The following DPP6 variants were observed in gnomAD, a reference collection of about 807,000 sequenced individuals.
The protein encoded by DPP6 is A-type potassium channel modulatory protein DPP6.
In DPP6, 69 loss-of-function variants were observed where a neutral mutation model predicts 122.6. The ratio of observed to expected loss-of-function variants is 0.56; its 90% CI spans 0.46 to 0.69. DPP6 has a LOEUF of 0.69. DPP6 is among the 30% of genes least tolerant of loss of function. The pLI, the probability that DPP6 is intolerant of heterozygous loss-of-function variation, is 0.00. For synonymous variants in DPP6, 418 were observed against 433.1 expected (o/e 0.97, Z 0.43); for missense variants, 928 against 1,116.9 (o/e 0.83, Z 2.41).
At chr7:154,161,439 G>T (rs558858946) in intron 1 of DPP6, among the ~76,000 whole-genome samples, 6 of 152,092 alleles carry the variant, frequency 3.9e-5, no homozygotes, top group Non-Finnish European at 8.8e-5. Flanking sequence ...AGAGGTTGCA[G>T]TGAGCCGAGA....
At chr7:154,275,004 T>C (rs1804035520) in intron 1 of DPP6, among the ~76,000 whole-genome samples, 1 of 152,276 alleles carries the variant, frequency 6.6e-6, no homozygotes, top group African/African-American at 2.4e-5. Context: ...CCCATGCCTC[T>C]GGACCCTCAG....
At chr7:154,413,462 T>C (rs1283777138) in intron 1 of DPP6, among the ~76,000 whole-genome samples, 1 of 152,010 alleles carries the variant, frequency 6.6e-6, no homozygotes. Context: ...ATGGTAATTT[T>C]TGTTCCATTT....
At chr7:154,262,654 T>C (rs1328433669) in intron 1 of DPP6, among the ~76,000 whole-genome samples, 5 of 79,796 alleles carry the variant, frequency 6.3e-5, no homozygotes, top group African/African-American at 9.8e-5. Flanking sequence ...CAAATGAAGT[T>C]CAAAAAAAAA....
intron 6 of DPP6, among the ~76,000 whole-genome samples, chr7:154,669,054 G>C (rs3807217): frequency 0.19 from 28,410 of 152,166 alleles, 3,294 homozygotes; most frequent in Non-Finnish European, 0.26. Flanking sequence ...TTTTAACTTT[G>C]ACTGTTCTGG....
chr7:154,714,543 G>A (rs2131316285), intron 7 of DPP6, among the ~76,000 whole-genome samples: 1 of 152,280 alleles, frequency 6.6e-6, no homozygotes, highest in African/African-American at 2.4e-5. Flanking sequence ...TGAGTGCCCA[G>A]CAAAGGGAAA....
At chr7:153,782,966 G>A in the DPP6 span, among the ~76,000 whole-genome samples, 1 of 152,158 alleles carries the variant, frequency 6.6e-6, no homozygotes, top group Non-Finnish European at 1.5e-5. Context: ...TCTGCTGCCT[G>A]GCTCTGAGGT....
chr7:154,473,024 T>G (rs1022138254), intron 2 of DPP6, among the ~76,000 whole-genome samples: 5 of 152,306 alleles, frequency 3.3e-5, no homozygotes, highest in Admixed American at 3.3e-4. Context: ...GTCTTACATG[T>G]TTTTTCTTAT....
intron 7 of DPP6, among the ~76,000 whole-genome samples, chr7:154,722,128 G>A (rs1841848789): frequency 6.6e-6 from 1 of 152,178 alleles, no homozygotes. Flanking sequence ...CCAGGAGGTT[G>A]AGGCTGCAGT....
In DPP6 at chr7:153,906,913, G is replaced by A. The variant is rs538685525; in HGVS notation, c.51+19179G>A. On this transcript the variant is annotated intron_variant, in intron 1 of 25. Coordinates refer to the DPP6 transcript ENST00000404039. ...AAAATCCAGTCATCCATTAATAGAC[G>A]CTTAGATTGCTTCTGTGACTTTGCT... 1.1e-4 allele frequency among the ~76,000 whole-genome samples: 16 copies of A among 152,256 alleles called. No individual in the cohort carries two copies. In the South Asian group the frequency reaches 3.1e-3, roughly 30 times the overall value.
chr7:153,852,216 G>C, the DPP6 span, among the ~76,000 whole-genome samples: 3 of 152,078 alleles, frequency 2.0e-5, no homozygotes, highest in Non-Finnish European at 4.4e-5. Flanking sequence ...TCTCTCTTCC[G>C]GCAATCATGC....
At chr7:154,737,303 CCA>C (rs1252006661) in intron 8 of DPP6, among the ~76,000 whole-genome samples, 9 of 152,264 alleles carry the variant, frequency 5.9e-5, no homozygotes, top group African/African-American at 2.2e-4. Context: ...CAATCAGATA[CCA>C]GAGTCTGAGG....
intron 16 of DPP6, among the ~76,000 whole-genome samples, chr7:154,839,236 C>G (rs1484376112): frequency 1.3e-5 from 2 of 152,194 alleles, no homozygotes; most frequent in Non-Finnish European, 2.9e-5. Flanking sequence ...GGTATCATTC[C>G]CATTTCACAT....
chr7:154,269,369 T>G (rs929392349), intron 1 of DPP6, among the ~76,000 whole-genome samples: 5 of 152,140 alleles, frequency 3.3e-5, no homozygotes, highest in African/African-American at 1.2e-4. Context: ...CTTGCAATAG[T>G]TGAATAAAGT....
Position 154,889,498 on chromosome 7 carries a change from CTAAT to C in DPP6, c.2422_2425del (p.Ile808GlyfsTer46). ...GCACACAGCAGAACTCATTACACAACTAATTAGGGGAAAGGCTAATTACAGCTTA... is the reference window on the plus strand; with the variant it reads ...GCACACAGCAGAACTCATTACACAACTAGGGGAAAGGCTAATTACAGCTTA... On this transcript the variant is annotated frameshift_variant, in exon 25 of 26. Transcript: ENST00000377770. LOFTEE classifies it high-confidence loss of function. 2 of 1,600,114 alleles carry C rather than the reference CTAAT, an allele frequency of 1.2e-6. No homozygotes were observed. The highest frequency in any genetic ancestry group is 1.7e-6 in the Non-Finnish European group (2 of 1,175,276).
intron 3 of DPP6, among the ~76,000 whole-genome samples, chr7:154,510,573 C>T (rs939498675): frequency 4.6e-5 from 7 of 151,980 alleles, no homozygotes; most frequent in Non-Finnish European, 8.8e-5. Flanking sequence ...ATAGCAGGTG[C>T]CTGTAATCCC....
chr7:154,363,033 T>C (rs1305677711), intron 1 of DPP6, among the ~76,000 whole-genome samples: 1 of 152,146 alleles, frequency 6.6e-6, no homozygotes, highest in Non-Finnish European at 1.5e-5. Context: ...TTCAGAAGAC[T>C]ATGGTCTAGG....
chr7:154,763,614 C>T (rs1319091923), intron 8 of DPP6, among the ~76,000 whole-genome samples: 1 of 152,202 alleles, frequency 6.6e-6, no homozygotes, highest in Admixed American at 6.5e-5. Flanking sequence ...AGCCTCCCAC[C>T]TTGGCCTTTC....
chr7:154,709,391 A>G (rs1461981544), intron 7 of DPP6, among the ~76,000 whole-genome samples: 1 of 151,722 alleles, frequency 6.6e-6, no homozygotes, highest in Non-Finnish European at 1.5e-5. Flanking sequence ...TGTCGTTGCT[A>G]TTTGTTTTTG....
chr7:153,814,574 T>C, the DPP6 span, among the ~76,000 whole-genome samples: 2 of 151,962 alleles, frequency 1.3e-5, no homozygotes, highest in Admixed American at 6.6e-5. Context: ...TTCCAATCAA[T>C]AGAAAAAGAG....
Sources: allele counts gnomAD v4.1 joint callset (sites outside exome capture counted in the v4.1 genomes callset), GRCh38; gene constraint gnomAD v4.1.1; transcripts MANE v1.5; gene names NCBI Gene and HGNC (gene_info 2026-07-23, HGNC 2026-07-21).